The following CNOT1 variants were observed in gnomAD, a reference collection of about 807,000 sequenced individuals.
CNOT1 encodes CCR4-NOT transcription complex subunit 1, also known as CCR4-associated factor 1.
In CNOT1, 15 loss-of-function variants were observed where a neutral mutation model predicts 273.8. That is an observed-to-expected ratio of 0.05 (90% CI 0.04 to 0.08). The LOEUF (loss-of-function observed/expected upper bound fraction) is 0.08. CNOT1 is among the 10% of genes least tolerant of loss of function. The pLI, the probability that CNOT1 is intolerant of heterozygous loss-of-function variation, is 1.00. For synonymous variants in CNOT1, 1,022 were observed against 1,005.5 expected, an observed-to-expected ratio of 1.02 and a Z score of -0.31; for missense variants, 1,644 against 2,912.2, an observed-to-expected ratio of 0.56 and a Z score of 10.02.
At chr16:58,618,218 A>T (rs1454933590) in intron 1 of CNOT1, among the ~76,000 whole-genome samples, 1 of 151,840 alleles carries the variant, frequency 6.6e-6, no homozygotes, top group Non-Finnish European at 1.5e-5. Flanking sequence ...GGGAAGACTG[A>T]CTGAGCCCAG....
intron 34 of CNOT1, 96 bp from the exon 35 acceptor site, chr16:58,540,055 T>A: frequency 8.0e-7 from 1 of 1,251,748 alleles, no homozygotes; most frequent in Non-Finnish European, 1.1e-6. Context: ...GTATGTTTAC[T>A]CCCTTTTTCT....
intron 1 of CNOT1, among the ~76,000 whole-genome samples, chr16:58,602,564 A>AC (rs34566867): frequency 0.052 from 7,439 of 142,752 alleles, 296 homozygotes; most frequent in Middle Eastern, 0.08. Flanking sequence ...AAAAAAAAAA[A>AC]AAAAAAAAAA....
At chr16:58,580,839 G>A in intron 11 of CNOT1, 79 bp from the exon 12 acceptor site, 4 of 1,356,776 alleles carry the variant, frequency 2.9e-6, no homozygotes, top group African/African-American at 1.5e-5. Flanking sequence ...CTAGGCTATT[G>A]TCAATCTTAA....
intron 17 of CNOT1, chr16:58,559,942 A>C (rs1567406978): frequency 1.1e-6 from 1 of 892,362 alleles, no homozygotes; most frequent in Non-Finnish European, 1.7e-6. Context: ...ATGTCTCAAG[A>C]GTCTACGTAA....
intron 2 of CNOT1, among the ~76,000 whole-genome samples, chr16:58,595,333 T>G (rs2042215415): frequency 6.6e-6 from 1 of 151,436 alleles, no homozygotes; most frequent in Admixed American, 6.6e-5. Context: ...ACTGTCACTA[T>G]TTCTCTTTGG....
At chr16:58,577,674 A>C (rs2041506058) in intron 13 of CNOT1, among the ~76,000 whole-genome samples, 1 of 152,130 alleles carries the variant, frequency 6.6e-6, no homozygotes, top group Non-Finnish European at 1.5e-5. Context: ...CTCTGTCTCT[A>C]CAAAAATTCA....
At chr16:58,589,349 C>T (rs537221007) in intron 2 of CNOT1, among the ~76,000 whole-genome samples, 3 of 152,242 alleles carry the variant, frequency 2.0e-5, no homozygotes, top group African/African-American at 7.2e-5. Flanking sequence ...CCCGTCTCTA[C>T]TAAATATACA....
At chr16:58,567,693 G>A (rs903984269) in intron 16 of CNOT1, among the ~76,000 whole-genome samples, 5 of 152,062 alleles carry the variant, frequency 3.3e-5, no homozygotes, top group Non-Finnish European at 7.4e-5. Context: ...ATAACAAGTG[G>A]GAAATTTTTA....
chr16:58,552,409 T>C (rs1171512634), intron 22 of CNOT1, among the ~76,000 whole-genome samples: 1 of 152,202 alleles, frequency 6.6e-6, no homozygotes, highest in African/African-American at 2.4e-5. Flanking sequence ...GAAGAAAGTA[T>C]AGCCCTTTAC....
chr16:58,589,612 T>A (rs114171259), intron 2 of CNOT1, among the ~76,000 whole-genome samples: 1 of 152,146 alleles, frequency 6.6e-6, no homozygotes, highest in African/African-American at 2.4e-5. Flanking sequence ...TTGCTCAACA[T>A]CTACACCAAA....
At chr16:58,626,225 C>A (rs1311144373) in intron 1 of CNOT1, among the ~76,000 whole-genome samples, 1 of 151,184 alleles carries the variant, frequency 6.6e-6, no homozygotes, top group Non-Finnish European at 1.5e-5. Context: ...CTGGCCAATA[C>A]GTTGAAACCT....
chr16:58,607,514 G>A (rs1381972101), intron 1 of CNOT1, among the ~76,000 whole-genome samples: 2 of 151,960 alleles, frequency 1.3e-5, no homozygotes, highest in Non-Finnish European at 2.9e-5. Flanking sequence ...TTCACCTGAG[G>A]TCAGAAGTTC....
rs1426655307 is a variant in CNOT1, at chr16:58,525,268, T to C, written c.6695A>G (p.Asn2232Ser). 1.9e-6 allele frequency: 3 copies of C among 1,613,898 alleles called. No individual in the cohort carries two copies. Among genetic ancestry groups the C allele is most frequent in the African/African-American group, 1.3e-5 (1 of 74,922 alleles). The change falls in exon 46 of 49, where the codon AAC becomes AGC. Residue 2232 changes from asparagine to serine, a missense_variant. Transcript: ENST00000317147. ...GCTCATTGAAGGTGTGCTGCCCTTG[T>C]TGTGGATGTGCGCAATGGCCTGAGT... ...VGTQAIAHIH[N>S]KGSTPSMSTI...
rs992575191 is a variant in CNOT1 at position 58,532,241 on chromosome 16, G to C, written c.6050C>G (p.Thr2017Arg). Residue 2017 changes from threonine to arginine, a missense_variant, in exon 41 of 49, where the codon ACA becomes AGA. Around this residue, in one of 13 missense-constraint regions of CNOT1, gnomAD observed 133 missense variants for 328.2 expected, o/e 0.41. Coordinates refer to ENST00000317147, the MANE Select transcript of CNOT1 (RefSeq NM_016284.5). ...CAAACACAATACTCACCAGAAAGCT[G>C]TAAGTGTCTGGAAATTAATGGTTTC... Reference protein sequence around the residue: ...VLETINFQTLTAFCNTFHILR... With the variant: ...VLETINFQTLRAFCNTFHILR... The C allele has an allele frequency of 1.2e-6, 2 of 1,614,002 alleles. No homozygotes were observed. The highest frequency in any genetic ancestry group is 1.7e-6 in the Non-Finnish European group (2 of 1,179,888).
chr16:58,547,798 A>G lies in CNOT1; in HGVS notation c.3523-116T>C, dbSNP rs1260374475. 5.2e-6 allele frequency: 5 copies of G among 965,860 alleles called. No homozygotes were observed. Among genetic ancestry groups the G allele is most frequent in the African/African-American group, 1.7e-5 (1 of 60,572 alleles). 59.8% of individuals were successfully genotyped at this position (965,860 alleles called of 1,614,324 possible). ...AAGACAAGTCATCATTTCTAAGAAC[A>G]GGCCCCAAAGTAGAATTACTCTGTA... On this transcript the variant is annotated intron_variant, in intron 25 of 48. Transcript: ENST00000317147. This position sits in a 1 kb window ranked among gnomAD's most constrained non-coding sequence, Gnocchi z 4.0.
At position 58,523,488 on chromosome 16, in the gene CNOT1, A is replaced by G; in HGVS notation, c.6799T>C (p.Leu2267=). 6.2e-7 allele frequency: 1 copy of G among 1,614,030 alleles called. No homozygotes were observed. The highest frequency in any genetic ancestry group is 8.5e-7 in the Non-Finnish European group (1 of 1,179,962). Residue 2267 remains leucine, a synonymous_variant, in exon 47 of 49, where the codon TTG becomes CTG. Transcript: ENST00000317147. ...CGGAGCTGATTTGCAATTGCATTCA[A>G]AAAGAGATAGCGACCTAGAAATTAA... The part of the protein sequence containing the change: ...DLDTEGRYLF[L]NAIANQLRYP...
chr16:58,607,735 A>AG (rs1439346040), intron 1 of CNOT1, among the ~76,000 whole-genome samples: 1 of 115,454 alleles, frequency 8.7e-6, no homozygotes, highest in African/African-American at 3.5e-5. Flanking sequence ...AAAAAAAAAA[A>AG]AAAGAAAGAA....
chr16:58,620,258 T>C (rs2043258916), intron 1 of CNOT1, among the ~76,000 whole-genome samples: 1 of 152,126 alleles, frequency 6.6e-6, no homozygotes, highest in South Asian at 2.1e-4. Flanking sequence ...AAAATCAATT[T>C]TGCTTAAGGA....
chr16:58,520,943 G>C lies in CNOT1; in HGVS notation c.*15C>G, dbSNP rs769934966. On this transcript the variant is annotated 3_prime_UTR_variant, in exon 49 of 49. Coordinates refer to ENST00000317147, the MANE Select transcript of CNOT1 (RefSeq NM_016284.5). Reference sequence around the variant, plus strand: ...GACCTCTAGACTGACACGTACAACAGAGATGCAGTTTCGTCTAACTGGCAC... The same window carrying C: ...GACCTCTAGACTGACACGTACAACACAGATGCAGTTTCGTCTAACTGGCAC... 9.3e-6 allele frequency: 15 copies of C among 1,611,566 alleles called. No individual in the cohort carries two copies. The East Asian group carries it at 3.1e-4, about 34-fold the overall frequency.
Sources: allele counts gnomAD v4.1 joint callset (sites outside exome capture counted in the v4.1 genomes callset), GRCh38; gene constraint gnomAD v4.1.1; regional missense constraint gnomAD v4.1.1; non-coding constraint Gnocchi (gnomAD v3.1); transcripts MANE v1.5; gene names NCBI Gene and HGNC (gene_info 2026-07-23, HGNC 2026-07-21).